The following PDE6D variants were observed in gnomAD, a reference collection of about 807,000 sequenced individuals.
PDE6D encodes the protein phosphodiesterase 6D, also known as retinal rod rhodopsin-sensitive cGMP 3',5'-cyclic phosphodiesterase subunit delta.
PDE6D carries 10 observed loss-of-function variants against 21.9 expected under a neutral mutation model. The ratio of observed to expected loss-of-function variants is 0.46; its 90% CI spans 0.28 to 0.78. The LOEUF is 0.78. Among genes scored for constraint, PDE6D ranks in the 30% least tolerant of loss-of-function variants. The pLI, the probability that PDE6D is intolerant of heterozygous loss-of-function variation, is 0.12. For synonymous variants in PDE6D, 59 were observed against 63.5 expected, an observed-to-expected ratio of 0.93 and a Z score of 0.34; for missense variants, 139 against 184.8, an observed-to-expected ratio of 0.75 and a Z score of 1.44.
chr2:231,781,119 C>A lies in PDE6D; in HGVS notation c.-5G>T. On this transcript the variant is annotated 5_prime_UTR_variant, in exon 1 of 5. Coordinates refer to ENST00000287600, the MANE Select transcript of PDE6D (RefSeq NM_002601.4). ...CCGCTCGTCCTTGGCTGACATGATG[C>A]GGCGGTCGCCGCCCGCGGCTTTCTC... The A allele has an allele frequency of 1.2e-6, 2 of 1,611,282 alleles. No homozygotes were observed. Among genetic ancestry groups the A allele is most frequent in the South Asian group, 1.1e-5 (1 of 91,016 alleles).
intron 1 of PDE6D, among the ~76,000 whole-genome samples, chr2:231,756,907 T>C (rs2048887242): frequency 6.6e-6 from 1 of 152,066 alleles, no homozygotes. Context: ...AGTATTCAAT[T>C]GACTATTGTT....
intron 1 of PDE6D, among the ~76,000 whole-genome samples, chr2:231,756,439 GTTTA>G (rs559609301): frequency 2.0e-4 from 30 of 152,080 alleles, no homozygotes; most frequent in Non-Finnish European, 2.4e-4. Context: ...CAAATCAATG[GTTTA>G]TTTATTTGTT....
At chr2:231,768,924 A>G (rs1294059906) in intron 1 of PDE6D, among the ~76,000 whole-genome samples, 1 of 151,864 alleles carries the variant, frequency 6.6e-6, no homozygotes, top group Non-Finnish European at 1.5e-5. Context: ...GCTGGAGTGC[A>G]ATGGCACGAT....
At chr2:231,780,992 CCCCCGG>C in intron 1 of PDE6D, 67 bp downstream of exon 1, 1 of 1,359,280 alleles carries the variant, frequency 7.4e-7, no homozygotes, top group Non-Finnish European at 1.0e-6. Flanking sequence ...GCGGCCCCCG[CCCCCGG>C]CCAGTCTCCT....
rs1178860342 is a variant in PDE6D, at chr2:231,739,446, GA to G, written c.51-259del. ...ACCTAGAGACTGCAAGAAAGGGACA[GA>G]AAACGAATAGTGCAAAATTTAAAAT... On this transcript the variant is annotated intron_variant, in intron 1 of 4. Coordinates refer to ENST00000287600, the MANE Select transcript of PDE6D (RefSeq NM_002601.4). The surrounding 1 kb of genome is among the most constrained non-coding windows in gnomAD (Gnocchi z 4.2). Among the ~76,000 whole-genome samples, 3 of 152,294 alleles carry G rather than the reference GA, an allele frequency of 2.0e-5. No individual in the cohort carries two copies. The highest frequency in any genetic ancestry group is 4.4e-5 in the Non-Finnish European group (3 of 68,024).
chr2:231,762,407 C>T (rs902736737), intron 1 of PDE6D, among the ~76,000 whole-genome samples: 3 of 134,012 alleles, frequency 2.2e-5, no homozygotes, highest in Non-Finnish European at 3.0e-5. Context: ...TGCAGTAGTG[C>T]GATCTCAGCT....
chr2:231,747,239 C>T (rs1245643417), intron 1 of PDE6D, among the ~76,000 whole-genome samples: 5 of 152,212 alleles, frequency 3.3e-5, no homozygotes, highest in East Asian at 1.9e-4. Context: ...TACAGGCATG[C>T]GCCACCACAC....
At chr2:231,774,749 C>A (rs1003131230) in intron 1 of PDE6D, among the ~76,000 whole-genome samples, 6 of 151,686 alleles carry the variant, frequency 4.0e-5, no homozygotes, top group African/African-American at 9.7e-5. Context: ...CCACACCATG[C>A]CCAGCTAATT....
Position 231,737,215 on chromosome 2 carries a change from A to G in PDE6D, c.343T>C (p.Ser115Pro). ...WQSLIEAAPE[S>P]QMMPASVLTG... ...AAGACGCTTGCTGGCATCATCTGGGACTCGGGTGCTGCCTCTATCAAGGAC... is the reference window on the plus strand; with the variant it reads ...AAGACGCTTGCTGGCATCATCTGGGGCTCGGGTGCTGCCTCTATCAAGGAC... The change falls in exon 4 of 5, where the codon TCC (serine) becomes CCC (proline). Residue 115 changes from serine to proline, a missense_variant. Transcript: ENST00000287600. 6.2e-7 allele frequency: 1 copy of G among 1,610,556 alleles called. No homozygotes were observed. The highest frequency in any genetic ancestry group is 8.5e-7 in the Non-Finnish European group (1 of 1,176,924).
At chr2:231,758,588 A>C (rs552965205) in intron 1 of PDE6D, among the ~76,000 whole-genome samples, 1 of 152,326 alleles carries the variant, frequency 6.6e-6, no homozygotes, top group African/African-American at 2.4e-5. Context: ...CAGACCAATT[A>C]GAATCTCTGG....
At chr2:231,751,308 A>C (rs73086875) in intron 1 of PDE6D, among the ~76,000 whole-genome samples, 268 of 151,984 alleles carry the variant, frequency 1.8e-3, no homozygotes, top group African/African-American at 6.3e-3. Flanking sequence ...GGCACTTACC[A>C]CCTCGTGTGG....
chr2:231,764,160 T>G (rs1261300410), intron 1 of PDE6D, among the ~76,000 whole-genome samples: 16 of 151,894 alleles, frequency 1.1e-4, no homozygotes, highest in Admixed American at 1.0e-3. Context: ...GGCTCAAGCT[T>G]GTAATCCCAG....
At chr2:231,777,504 G>C (rs921480155) in intron 1 of PDE6D, among the ~76,000 whole-genome samples, 4 of 151,886 alleles carry the variant, frequency 2.6e-5, no homozygotes, top group African/African-American at 9.7e-5. Context: ...TGGGCATATG[G>C]GCAAGCTTCC....
At chr2:231,753,686 T>C (rs985120130) in intron 1 of PDE6D, among the ~76,000 whole-genome samples, 1 of 152,034 alleles carries the variant, frequency 6.6e-6, no homozygotes, top group Non-Finnish European at 1.5e-5. Context: ...AAATAACAAA[T>C]AAAAAATGTA....
At position 231,739,880 on chromosome 2, in the gene PDE6D, C is replaced by T. The variant is rs1445955672; in HGVS notation, c.51-692G>A. The stretch of plus-strand genomic sequence containing the variant: ...CTCCTGACCTCAAGTGATCTGTCTG[C>T]CTCAGCCTCTGAGTGCCCTGTTTTT... On this transcript the variant is annotated intron_variant, in intron 1 of 4. Transcript: ENST00000287600. This position sits in a 1 kb window ranked among gnomAD's most constrained non-coding sequence, Gnocchi z 4.2. 2.0e-5 allele frequency among the ~76,000 whole-genome samples: 3 copies of T among 152,242 alleles called. No individual in the cohort carries two copies. Among genetic ancestry groups the T allele is most frequent in the Non-Finnish European group, 4.4e-5 (3 of 68,020 alleles).
chr2:231,769,279 G>A (rs1353072789), intron 1 of PDE6D, among the ~76,000 whole-genome samples: 3 of 152,186 alleles, frequency 2.0e-5, no homozygotes, highest in Non-Finnish European at 2.9e-5. Flanking sequence ...TGACCAGAAC[G>A]CAGCTTTTCT....
intron 1 of PDE6D, among the ~76,000 whole-genome samples, chr2:231,750,571 A>G (rs1246275802): frequency 7.0e-6 from 1 of 142,832 alleles, no homozygotes; most frequent in Non-Finnish European, 1.5e-5. Flanking sequence ...ATCTCAGCTC[A>G]CTGCAACCTC....
intron 1 of PDE6D, among the ~76,000 whole-genome samples, chr2:231,779,667 A>G (rs2049086379): frequency 6.6e-6 from 1 of 152,256 alleles, no homozygotes; most frequent in Admixed American, 6.5e-5. Flanking sequence ...ACATGGAGCT[A>G]TAAAAGAGGC....
chr2:231,754,019 A>G (rs925410954), intron 1 of PDE6D, among the ~76,000 whole-genome samples: 4 of 152,212 alleles, frequency 2.6e-5, no homozygotes, highest in African/African-American at 7.2e-5. Flanking sequence ...TAAGACTTCA[A>G]ACATCAGCAA....
Sources: gnomAD v4.1 joint callset for allele counts (sites outside exome capture counted in the v4.1 genomes callset) on GRCh38, gnomAD v4.1.1 for gene constraint, Gnocchi (gnomAD v3.1) non-coding constraint, MANE v1.5 for transcripts, NCBI Gene and HGNC (gene_info 2026-07-23, HGNC 2026-07-21) for gene names.